Variants in RSU1 observed in about 807,000 individuals in gnomAD.
RSU1 encodes Ras suppressor protein 1, also known as rsu-1.
In RSU1, 26 loss-of-function variants were observed where a neutral mutation model predicts 31.1. The observed-to-expected ratio is 0.84, with a 90% CI of 0.61 to 1.16. The LOEUF (loss-of-function observed/expected upper bound fraction) is 1.16, where lower values mean the gene tolerates loss of function less well. Ranked by LOEUF, RSU1 falls within the 50% of genes most tolerant of loss-of-function variation. The pLI, the probability that RSU1 is intolerant of heterozygous loss-of-function variation, is 0.00. For synonymous variants in RSU1, 164 were observed against 136.3 expected (o/e 1.20, Z -1.41); for missense variants, 320 against 339.1 (o/e 0.94, Z 0.44).
At chr10:16,768,776 T>C (rs1420426015) in intron 3 of RSU1, among the ~76,000 whole-genome samples, 4 of 152,190 alleles carry the variant, frequency 2.6e-5, no homozygotes, top group Non-Finnish European at 4.4e-5. Context: ...CAGCCCAGAC[T>C]TGGCAATTCA....
At chr10:16,703,804 G>A (rs898680745) in intron 7 of RSU1, among the ~76,000 whole-genome samples, 14 of 152,162 alleles carry the variant, frequency 9.2e-5, no homozygotes, top group Non-Finnish European at 1.6e-4. Flanking sequence ...TATGAACAGA[G>A]AAAAGACTGG....
intron 7 of RSU1, among the ~76,000 whole-genome samples, chr10:16,739,455 A>G (rs1034987173): frequency 6.9e-6 from 1 of 144,590 alleles, no homozygotes; most frequent in Admixed American, 7.1e-5. Flanking sequence ...CAAGAAATGT[A>G]CATTTTCTTC....
intron 8 of RSU1, among the ~76,000 whole-genome samples, chr10:16,620,292 A>G (rs1834046685): frequency 6.6e-6 from 1 of 152,184 alleles, no homozygotes; most frequent in Non-Finnish European, 1.5e-5. Context: ...GTTGATGTCA[A>G]TAGTGGATGA....
intron 8 of RSU1, among the ~76,000 whole-genome samples, chr10:16,638,530 G>A (rs747581675): frequency 1.4e-4 from 22 of 152,122 alleles, no homozygotes; most frequent in Admixed American, 2.6e-4. Context: ...CTTTGCTTCC[G>A]CACAAGGACA....
In RSU1 at chr10:16,599,573, C is replaced by T. The variant is rs529774644; in HGVS notation, c.732-6077G>A. Among the ~76,000 whole-genome samples, 29 of 152,304 alleles carry T rather than the reference C, an allele frequency of 1.9e-4. No individual in the cohort carries two copies. The South Asian group carries it at 5.4e-3, about 28-fold the overall frequency. ...GTGCCCTGGGGAACCTCCCTCACCT[C>T]CCACAGTCTGATGTCTCCATATGCA... On this transcript the variant is annotated intron_variant, in intron 8 of 8. Transcript: ENST00000345264.
intron 8 of RSU1, among the ~76,000 whole-genome samples, chr10:16,650,804 A>G (rs1261483405): frequency 6.6e-6 from 1 of 151,840 alleles, no homozygotes; most frequent in African/African-American, 2.4e-5. Flanking sequence ...GATGGTCTTG[A>G]TCTCCTGACC....
chr10:16,670,456 T>G (rs1835085460), intron 8 of RSU1, among the ~76,000 whole-genome samples: 1 of 152,130 alleles, frequency 6.6e-6, no homozygotes, highest in African/African-American at 2.4e-5. Flanking sequence ...GCCCTGAAGC[T>G]AGAATATTCT....
At chr10:16,726,788 C>T (rs1018937248) in intron 7 of RSU1, among the ~76,000 whole-genome samples, 2 of 152,060 alleles carry the variant, frequency 1.3e-5, no homozygotes, top group South Asian at 2.1e-4. Context: ...ACTCTACCTC[C>T]CCTCCCAAAA....
chr10:16,701,902 G>T (rs992709316), intron 7 of RSU1, among the ~76,000 whole-genome samples: 1 of 152,142 alleles, frequency 6.6e-6, no homozygotes. Context: ...CACCTCCAAG[G>T]TTGCCTTATG....
At chr10:16,749,086 G>A (rs554215090) in intron 7 of RSU1, among the ~76,000 whole-genome samples, 1 of 152,132 alleles carries the variant, frequency 6.6e-6, no homozygotes, top group East Asian at 1.9e-4. Flanking sequence ...CCTCAAATAG[G>A]AACTTAACCT....
intron 2 of RSU1, among the ~76,000 whole-genome samples, chr10:16,787,286 C>G (rs189279359): frequency 2.0e-5 from 3 of 152,208 alleles, no homozygotes. Context: ...TTCAATTATC[C>G]AACACGTGTT....
chr10:16,687,012 G>A (rs952449734), intron 8 of RSU1, among the ~76,000 whole-genome samples: 1 of 152,198 alleles, frequency 6.6e-6, no homozygotes, highest in African/African-American at 2.4e-5. Context: ...GTCCCAGTCA[G>A]AGCTCCCAGG....
At chr10:16,797,142 C>G (rs1838055236) in intron 2 of RSU1, among the ~76,000 whole-genome samples, 1 of 152,120 alleles carries the variant, frequency 6.6e-6, no homozygotes, top group Non-Finnish European at 1.5e-5. Context: ...AAACTGACCA[C>G]CTAGGGCTCC....
intron 8 of RSU1, among the ~76,000 whole-genome samples, chr10:16,667,272 A>G (rs991067966): frequency 6.6e-6 from 1 of 152,196 alleles, no homozygotes; most frequent in Non-Finnish European, 1.5e-5. Context: ...TAGGGAATAA[A>G]AGTTAAGAGC....
chr10:16,595,132 G>T (rs1398692573), intron 8 of RSU1, among the ~76,000 whole-genome samples: 2 of 152,206 alleles, frequency 1.3e-5, no homozygotes, highest in South Asian at 4.2e-4. Context: ...GCCCAGGCTG[G>T]TGTTACACTC....
intron 7 of RSU1, among the ~76,000 whole-genome samples, chr10:16,746,180 A>C (rs115059195): frequency 0.021 from 3,174 of 152,268 alleles, 125 homozygotes; most frequent in African/African-American, 0.072. Flanking sequence ...TCCACTCTTC[A>C]CAAGTATGCT....
At chr10:16,732,216 T>C (rs1836527491) in intron 7 of RSU1, among the ~76,000 whole-genome samples, 1 of 152,224 alleles carries the variant, frequency 6.6e-6, no homozygotes, top group African/African-American at 2.4e-5. Context: ...AAATGTAATA[T>C]ATACCACTGC....
Position 16,675,154 on chromosome 10 carries a change from T to C in RSU1, c.731+19869A>G, listed in dbSNP as rs149168596. 8.6e-3 allele frequency among the ~76,000 whole-genome samples: 1,265 copies of C among 147,700 alleles called. 6 individuals carry two copies. The highest frequency in any genetic ancestry group is 0.021 in the Middle Eastern group (6 of 284). On this transcript the variant is annotated intron_variant, in intron 8 of 8. Transcript: ENST00000345264. Reference sequence around the variant, plus strand: ...CCAGGAGGCGGAGGTTGCGGTGAGATTGCACCCCTGCACTCCAGCCTGGGT... The same window carrying C: ...CCAGGAGGCGGAGGTTGCGGTGAGACTGCACCCCTGCACTCCAGCCTGGGT...
chr10:16,734,078 C>T (rs1284151160), intron 7 of RSU1, among the ~76,000 whole-genome samples: 1 of 152,216 alleles, frequency 6.6e-6, no homozygotes. Context: ...TCGGAACACA[C>T]AAAGTGACAG....
Sources: gnomAD v4.1 joint callset for allele counts (sites outside exome capture counted in the v4.1 genomes callset) on GRCh38, gnomAD v4.1.1 for gene constraint, MANE v1.5 for transcripts, NCBI Gene and HGNC (gene_info 2026-07-23, HGNC 2026-07-21) for gene names.